Variants in PGLYRP2 observed in about 807,000 individuals in gnomAD.
PGLYRP2 encodes peptidoglycan recognition protein 2.
A neutral mutation model predicts 46.2 loss-of-function variants in PGLYRP2; 38 were observed. That is an observed-to-expected ratio of 0.82 (90% CI 0.64 to 1.08). The LOEUF is 1.08. PGLYRP2 is among the 50% of genes least tolerant of loss of function. The pLI is 0.00. For synonymous variants in PGLYRP2, 289 were observed against 329.4 expected, an observed-to-expected ratio of 0.88 and a Z score of 1.33; for missense variants, 713 against 755.9, an observed-to-expected ratio of 0.94 and a Z score of 0.67.
At chr19:15,470,374 G>A (rs1251978510) in intron 3 of PGLYRP2, among the ~76,000 whole-genome samples, 1 of 150,390 alleles carries the variant, frequency 6.6e-6, no homozygotes, top group African/African-American at 2.5e-5. Flanking sequence ...TCGGCTCACT[G>A]CCACCTCCAC....
At position 15,469,694 on chromosome 19, in the gene PGLYRP2, G is replaced by T. The variant is rs748193839; in HGVS notation, c.1579C>A (p.Arg527Ser). 1 of 1,524,404 alleles carries T rather than the reference G, an allele frequency of 6.6e-7. No individual in the cohort carries two copies. 94.4% of individuals were successfully genotyped at this position (1,524,404 alleles called of 1,614,324 possible). The change falls in exon 4 of 5, where the codon CGC (arginine) becomes AGC (serine). Residue 527 changes from arginine (R) to serine (S), a missense_variant. By Grantham distance (110) the Arg-to-Ser change is moderately radical (BLOSUM62 -1). Transcript: ENST00000340880. This position sits in a 1 kb window ranked among gnomAD's most constrained non-coding sequence, Gnocchi z 4.9. ...AGCGCGTCGCCGGGGCAGTCGGTGC[G>T]CACCAGCTGGCGGTGGCCCAGCAGC... ...YALLGHRQLV[R>S]TDCPGDALFD... is the part of the protein sequence containing the mutation.
At chr19:15,478,467 C>G (rs1970817496) in intron 1 of PGLYRP2, among the ~76,000 whole-genome samples, 1 of 152,178 alleles carries the variant, frequency 6.6e-6, no homozygotes, top group Non-Finnish European at 1.5e-5. Context: ...GTAAATTTCT[C>G]TTCTTTACAA....
intron 3 of PGLYRP2, among the ~76,000 whole-genome samples, chr19:15,471,002 C>T (rs376273230): frequency 2.6e-5 from 4 of 151,330 alleles, no homozygotes; most frequent in African/African-American, 7.3e-5. Context: ...TGCAGAGATG[C>T]GATCATAACT....
At chr19:15,477,469 G>A (rs111242544) in intron 1 of PGLYRP2, among the ~76,000 whole-genome samples, 1,717 of 150,798 alleles carry the variant, frequency 0.011, 22 homozygotes, top group Middle Eastern at 0.035. Flanking sequence ...AGGCAGAGGC[G>A]GGTGGATCAC....
chr19:15,470,046 G>T, intron 3 of PGLYRP2, 117 bp from the exon 4 acceptor site: 1 of 1,118,012 alleles, frequency 8.9e-7, no homozygotes, highest in Non-Finnish European at 1.2e-6. Flanking sequence ...AGACCCGCGC[G>T]GTCGCGCTGC....
chr19:15,472,563 A>T (rs1003081227), intron 2 of PGLYRP2, among the ~76,000 whole-genome samples: 1 of 151,776 alleles, frequency 6.6e-6, no homozygotes, highest in Non-Finnish European at 1.5e-5. Flanking sequence ...ATTGCACACC[A>T]GCCTGGGTGA....
At position 15,469,562 on chromosome 19, in the gene PGLYRP2, G is replaced by A. The variant is rs866857645; in HGVS notation, c.1641+70C>T. 2.0e-6 allele frequency: 3 copies of A among 1,534,878 alleles called. No individual in the cohort carries two copies. Among genetic ancestry groups the A allele is most frequent in the Non-Finnish European group, 2.6e-6 (3 of 1,142,656 alleles). On this transcript the variant is annotated intron_variant, in intron 4 of 4. Coordinates refer to ENST00000340880, the MANE Select transcript of PGLYRP2 (RefSeq NM_052890.4). This position sits in a 1 kb window ranked among gnomAD's most constrained non-coding sequence, Gnocchi z 4.9. ...CGGGCACAGCTGTTACAGGCAGGGG[G>A]CAGGGGCCTCGTGGAGCTTGTGTAG...
intron 3 of PGLYRP2, among the ~76,000 whole-genome samples, chr19:15,470,238 TTCTTTCC>T (rs1422944191): frequency 0.011 from 1,437 of 130,132 alleles, 15 homozygotes; most frequent in East Asian, 0.029. Flanking sequence ...TGGGTTTTTT[TTCTTTCC>T]TTCCTTCCTT....
At chr19:15,473,694 C>T (rs1970770375) in intron 2 of PGLYRP2, among the ~76,000 whole-genome samples, 1 of 151,684 alleles carries the variant, frequency 6.6e-6, no homozygotes, top group South Asian at 2.1e-4. Flanking sequence ...AGCTTCTGCA[C>T]ACCAAAGATA....
chr19:15,469,641 G>T lies in PGLYRP2; in HGVS notation c.1632C>A (p.His544Gln). Reference sequence around the variant, plus strand: ...GGCTGCGAAGACTCACCGCGGTGAAGTGCGGCCAGGTGCGCAGCAGGTCGA... The same window carrying T: ...GGCTGCGAAGACTCACCGCGGTGAATTGCGGCCAGGTGCGCAGCAGGTCGA... ...ALFDLLRTWP[H>Q]FTATVKPRPA... Residue 544 changes from histidine to glutamine, a missense_variant, in exon 4 of 5, where the codon CAC becomes CAA. Transcript: ENST00000340880. This position sits in a 1 kb window ranked among gnomAD's most constrained non-coding sequence, Gnocchi z 4.9. 1 of 1,570,264 alleles carries T rather than the reference G, an allele frequency of 6.4e-7. No individual in the cohort carries two copies. Among genetic ancestry groups the T allele is most frequent in the Non-Finnish European group, 8.6e-7 (1 of 1,162,988 alleles).
rs1320593154 is a variant in PGLYRP2 at position 15,476,024 on chromosome 19, C to T, written c.646G>A (p.Asp216Asn). The change falls in exon 2 of 5, where the codon GAC (aspartate) becomes AAC (asparagine). Residue 216 changes from aspartate (D) to asparagine (N), a missense_variant. Asp to Asn is a conservative substitution (Grantham distance 23). Transcript: ENST00000340880. ...GCCAGGGTGACTGCCAGGAGGCTGT[C>T]CACCATGGTCGGTGGGGACTTGGCT... ...AKAKSPPTMV[D>N]SLLAVTLAGN... 3.7e-6 allele frequency: 6 copies of T among 1,614,170 alleles called. No homozygotes were observed. The South Asian group carries it at 6.6e-5, about 18-fold the overall frequency.
chr19:15,469,605 C>G lies in PGLYRP2; in HGVS notation c.1641+27G>C. ...TTGTGTAGACGGAGGGGCGGCGGGC[C>G]GTGTAGTGCAGGCTGCGAAGACTCA... On this transcript the variant is annotated intron_variant, in intron 4 of 4. Coordinates refer to ENST00000340880, the MANE Select transcript of PGLYRP2 (RefSeq NM_052890.4). The surrounding 1 kb of genome is among the most constrained non-coding windows in gnomAD (Gnocchi z 4.9). 1 of 1,569,320 alleles carries G rather than the reference C, an allele frequency of 6.4e-7. No individual in the cohort carries two copies. The highest frequency in any genetic ancestry group is 8.6e-7 in the Non-Finnish European group (1 of 1,165,252).
intron 2 of PGLYRP2, among the ~76,000 whole-genome samples, chr19:15,474,059 CG>C (rs1568341500): frequency 1.3e-5 from 2 of 151,970 alleles, no homozygotes; most frequent in African/African-American, 4.8e-5. Context: ...ACAGAAAAGC[CG>C]GGTGATGGCT....
Position 15,468,666 on chromosome 19 carries a change from T to A in PGLYRP2, c.1728A>T (p.Gln576His), listed in dbSNP as rs1179355261. 1 of 1,610,990 alleles carries A rather than the reference T, an allele frequency of 6.2e-7. No individual in the cohort carries two copies. Among genetic ancestry groups the A allele is most frequent in the African/African-American group, 1.3e-5 (1 of 74,928 alleles). The change falls in exon 5 of 5, where the codon CAA becomes CAT. Residue 576 changes from glutamine (Q) to histidine (H), a missense_variant. Physicochemically the swap from Gln to His is conservative, Grantham distance 24 (BLOSUM62 0). Transcript: ENST00000340880. ...AGACTTTGTTTCCATGCTGTCTTTA[T>A]TGGAGGTCTGTGGCTGGCAGGGTCC... ...PPRTLPATDL[Q>H]
rs753902332 is a variant in PGLYRP2 at position 15,479,447 on chromosome 19, C to T, written c.-76G>A. ...GAACCTCGGCAGTGCTGGAGGGAGA[C>T]AGGCACAGAGAACTGAGCAGAGCCT... On this transcript the variant is annotated 5_prime_UTR_variant, in exon 1 of 5. Transcript: ENST00000340880. 2.8e-6 allele frequency: 4 copies of T among 1,417,134 alleles called. No homozygotes were observed. The African/African-American group carries it at 5.7e-5, about 20-fold the overall frequency. The allele number at this position is 1,417,134 out of a possible 1,614,324, so 87.8% of individuals were successfully genotyped here. A position where few individuals can be genotyped will look rare whatever the true frequency, so the allele number is the denominator to read the frequency against.
chr19:15,478,764 G>A (rs1970820093), intron 1 of PGLYRP2, among the ~76,000 whole-genome samples: 1 of 151,968 alleles, frequency 6.6e-6, no homozygotes, highest in African/African-American at 2.4e-5. Context: ...GGGATTACAG[G>A]TGCCTGCCAC....
chr19:15,472,664 G>T (rs1458510239), intron 2 of PGLYRP2, among the ~76,000 whole-genome samples: 1 of 149,718 alleles, frequency 6.7e-6, no homozygotes, highest in Admixed American at 6.6e-5. Context: ...ACTTTGGGAG[G>T]CGAGGTGGGT....
rs1485110908 is a variant in PGLYRP2, at chr19:15,479,464, G to A, written c.-93C>T. 7.9e-7 allele frequency: 1 copy of A among 1,273,766 alleles called. No individual in the cohort carries two copies. The highest frequency in any genetic ancestry group is 1.1e-6 in the Non-Finnish European group (1 of 891,126). 78.9% of individuals were successfully genotyped at this position (1,273,766 alleles called of 1,614,324 possible). On this transcript the variant is annotated 5_prime_UTR_variant, in exon 1 of 5. Transcript: ENST00000340880. ...GAGGGAGACAGGCACAGAGAACTGA[G>A]CAGAGCCTTTGACCACTGTCAAAGT...
chr19:15,469,809 C>T lies in PGLYRP2; in HGVS notation c.1464G>A (p.Ala488=). ...FGVAIVGNYT[A]ALPTEAALRT... ...GCAGAGCGGCCTCGGTGGGCAGCGC[C>T]GCGGTGTAGTTGCCCACTATGGCCA... The change falls in exon 4 of 5, where the codon GCG becomes GCA. Residue 488 remains alanine (A), a synonymous_variant. Transcript: ENST00000340880. The surrounding 1 kb of genome is among the most constrained non-coding windows in gnomAD (Gnocchi z 4.9). 3 of 1,522,158 alleles carry T rather than the reference C, an allele frequency of 2.0e-6. No homozygotes were observed. The highest frequency in any genetic ancestry group is 2.6e-6 in the Non-Finnish European group (3 of 1,144,572). 94.3% of individuals were successfully genotyped at this position (1,522,158 alleles called of 1,614,324 possible).
Sources: gnomAD v4.1 joint callset for allele counts (sites outside exome capture counted in the v4.1 genomes callset) on GRCh38, gnomAD v4.1.1 for gene constraint, Gnocchi (gnomAD v3.1) non-coding constraint, MANE v1.5 for transcripts, NCBI Gene and HGNC (gene_info 2026-07-23, HGNC 2026-07-21) for gene names.